ADAP1: variants seen among roughly 807,000 people sequenced by gnomAD.
The protein encoded by ADAP1 is ArfGAP with dual PH domains 1.
A neutral mutation model predicts 54.9 loss-of-function variants in ADAP1; 31 were observed. The observed-to-expected ratio is 0.56, with a 90% confidence interval of 0.42 to 0.76. The LOEUF (loss-of-function observed/expected upper bound fraction) is 0.76. ADAP1 is among the 30% of genes least tolerant of loss of function. ADAP1 has a pLI of 0.00. For synonymous variants in ADAP1, 313 were observed against 202.6 expected, an observed-to-expected ratio of 1.55 and a Z score of -4.63; for missense variants, 535 against 512.4, an observed-to-expected ratio of 1.04 and a Z score of -0.42.
In ADAP1 at chr7:905,155, G is replaced by C. The variant is rs879520352; in HGVS notation, c.406C>G (p.Leu136Val). ...PYSAGYREGFLWKRGRDNGQF... is the reference protein window; with the variant it reads ...PYSAGYREGFVWKRGRDNGQF... ...CCGTTGTCCCGGCCACGCTTCCAGA[G>C]AAAACCCTCACGGTACCCTGTGGGG... Residue 136 changes from leucine (L) to valine (V), a missense_variant, in exon 5 of 11, where the codon CTC becomes GTC. Physicochemically the swap from Leu to Val is conservative, Grantham distance 32. Transcript: ENST00000265846. 3 of 1,612,104 alleles carry C rather than the reference G, an allele frequency of 1.9e-6. No individual in the cohort carries two copies. Among genetic ancestry groups the C allele is most frequent in the East Asian group, 4.5e-5 (2 of 44,870 alleles).
At chr7:935,679 C>A (rs573917652) in intron 1 of ADAP1, among the ~76,000 whole-genome samples, 174 bp from the exon 2 acceptor site, 7 of 149,950 alleles carry the variant, frequency 4.7e-5, no homozygotes, top group Non-Finnish European at 8.9e-5. Context: ...GCTCCCCCCC[C>A]GCCCTCTGCC....
rs941842575 is a variant in ADAP1, at chr7:946,260, G to A, written c.82+8136C>T. On this transcript the variant is annotated intron_variant, in intron 1 of 10. Transcript: ENST00000265846. This position sits in a 1 kb window ranked among gnomAD's most constrained non-coding sequence, Gnocchi z 4.3. ...GCAGGGATCCAGGCTCCCGCCGGCCGGTGGATCCCCGCCAGCGAGGCAGTG... is the reference window on the plus strand; with the variant it reads ...GCAGGGATCCAGGCTCCCGCCGGCCAGTGGATCCCCGCCAGCGAGGCAGTG... Among the ~76,000 whole-genome samples, 4 of 152,138 alleles carry A rather than the reference G, an allele frequency of 2.6e-5. No homozygotes were observed. The highest frequency in any genetic ancestry group is 4.8e-5 in the African/African-American group (2 of 41,424).
chr7:909,494 C>A (rs1053321825), intron 4 of ADAP1, among the ~76,000 whole-genome samples: 3 of 152,252 alleles, frequency 2.0e-5, no homozygotes, highest in Non-Finnish European at 4.4e-5. Context: ...GAGTGTATTT[C>A]AGGACGGCGC....
chr7:916,995 C>T lies in ADAP1; in HGVS notation c.388+2973G>A, dbSNP rs1186871639. ...AGGTGCACAGGAGGGGTGCGCAGTG[C>T]CAGCTCTACCGGGGAGGTGCACGGG... On this transcript the variant is annotated intron_variant, in intron 4 of 10. Transcript: ENST00000265846. Among the ~76,000 whole-genome samples the T allele has an allele frequency of 5.6e-5, 4 of 70,920 alleles. 1 individual carries two copies. Among genetic ancestry groups the T allele is most frequent in the African/African-American group, 2.5e-4 (4 of 16,324 alleles). The allele number at this position is 70,920 out of a possible 152,430, so 46.5% of individuals were successfully genotyped here.
At chr7:911,187 G>A (rs1009509741) in intron 4 of ADAP1, among the ~76,000 whole-genome samples, 15 of 152,156 alleles carry the variant, frequency 9.9e-5, no homozygotes, top group African/African-American at 3.4e-4. Flanking sequence ...AGGCTTCCCT[G>A]TTCCCAGGGG....
intron 1 of ADAP1, among the ~76,000 whole-genome samples, chr7:939,986 A>G (rs1846898124): frequency 6.6e-6 from 1 of 152,172 alleles, no homozygotes; most frequent in Non-Finnish European, 1.5e-5. Context: ...AGTGAGGCTA[A>G]GGAGTGGTTA....
intron 2 of ADAP1, among the ~76,000 whole-genome samples, chr7:932,909 G>A (rs981411887): frequency 2.0e-5 from 3 of 152,180 alleles, no homozygotes; most frequent in Middle Eastern, 3.2e-3. Context: ...GGACTCTGCT[G>A]TCCTTGGGTC....
chr7:947,704 C>T (rs969331371), intron 1 of ADAP1, among the ~76,000 whole-genome samples: 7 of 152,156 alleles, frequency 4.6e-5, no homozygotes, highest in Non-Finnish European at 7.4e-5. Flanking sequence ...CACCCGGCCT[C>T]GGTCACTGCA....
At chr7:936,405 C>T (rs950906914) in intron 1 of ADAP1, among the ~76,000 whole-genome samples, 1 of 152,166 alleles carries the variant, frequency 6.6e-6, no homozygotes, top group Admixed American at 6.5e-5. Context: ...GTTGGCCAGG[C>T]TGGCCTCGAA....
In ADAP1 at chr7:945,086, A is replaced by C. The variant is rs1440222362; in HGVS notation, c.82+9310T>G. On this transcript the variant is annotated intron_variant, in intron 1 of 10. Transcript: ENST00000265846. The surrounding 1 kb of genome is among the most constrained non-coding windows in gnomAD (Gnocchi z 4.2). ...TGTGTGTGTGTGCAAGGAGATGGGG[A>C]GCTAGAGTCCCCCAGCTTCCAGTAA... 1.3e-5 allele frequency among the ~76,000 whole-genome samples: 2 copies of C among 151,994 alleles called. No homozygotes were observed. The highest frequency in any genetic ancestry group is 2.9e-5 in the Non-Finnish European group (2 of 67,994).
At chr7:947,705 G>A (rs191196985) in intron 1 of ADAP1, among the ~76,000 whole-genome samples, 3 of 152,128 alleles carry the variant, frequency 2.0e-5, no homozygotes, top group East Asian at 1.9e-4. Context: ...ACCCGGCCTC[G>A]GTCACTGCAG....
At chr7:902,776 G>T (rs1341808731) in intron 6 of ADAP1, among the ~76,000 whole-genome samples, 1 of 152,084 alleles carries the variant, frequency 6.6e-6, no homozygotes, top group South Asian at 2.1e-4. Flanking sequence ...GAAAAGACGA[G>T]GGACCCTTGC....
In ADAP1 at chr7:906,791, C is replaced by CA. The variant is rs60095382; in HGVS notation, c.389-1620_389-1619insT. On this transcript the variant is annotated intron_variant, in intron 4 of 10. Coordinates refer to ENST00000265846, the MANE Select transcript of ADAP1 (RefSeq NM_006869.4). Reference sequence around the variant, plus strand: ...CATGGGGGACAGGGGACACGGGGGACGGGACAGGGGACATGGGGGGACATG... The same window carrying CA: ...CATGGGGGACAGGGGACACGGGGGACAGGGACAGGGGACATGGGGGGACATG... 3.1e-3 allele frequency among the ~76,000 whole-genome samples: 88 copies of CA among 28,714 alleles called. 2 individuals carry two copies. Among genetic ancestry groups the CA allele is most frequent in the Admixed American group, 4.5e-3 (11 of 2,438 alleles). The allele number at this position is 28,714 out of a possible 152,430, so 18.8% of individuals were successfully genotyped here. A position where few individuals can be genotyped will look rare whatever the true frequency, so the allele number is the denominator to read the frequency against.
intron 1 of ADAP1, among the ~76,000 whole-genome samples, chr7:949,933 T>C (rs1359868642): frequency 6.6e-6 from 1 of 152,194 alleles, no homozygotes; most frequent in African/African-American, 2.4e-5. Flanking sequence ...ACCCAGCAAC[T>C]CCAGTCCTGG....
upstream of ADAP1, chr7:955,208 C>G: frequency 1.6e-6 from 2 of 1,233,450 alleles, no homozygotes; most frequent in South Asian, 2.6e-5. Context: ...CTCTGGGCAC[C>G]CCTCCCACTC....
chr7:935,702 G>A (rs1846739049), intron 1 of ADAP1, among the ~76,000 whole-genome samples, 197 bp from the exon 2 acceptor site: 1 of 151,224 alleles, frequency 6.6e-6, no homozygotes, highest in African/African-American at 2.4e-5. Context: ...GTGCAGACGG[G>A]GCTCTCCCCA....
chr7:909,106 C>A (rs1469329505), intron 4 of ADAP1, among the ~76,000 whole-genome samples: 1 of 147,776 alleles, frequency 6.8e-6, no homozygotes, highest in Non-Finnish European at 1.5e-5. Context: ...GGGGTCCAGA[C>A]GCCAGCGGGA....
At chr7:900,339 G>T (rs3808347) in intron 7 of ADAP1, among the ~76,000 whole-genome samples, 175 bp from the exon 8 acceptor site, 9,397 of 151,998 alleles carry the variant, frequency 0.062, 299 homozygotes, top group Middle Eastern at 0.082. Context: ...TTCCCTCCCC[G>T]CTTTCCCCTT....
chr7:917,568 GATTCT>G (rs1396856189), intron 4 of ADAP1, among the ~76,000 whole-genome samples: 1 of 152,154 alleles, frequency 6.6e-6, no homozygotes, highest in Non-Finnish European at 1.5e-5. Flanking sequence ...AGGTTCAAGC[GATTCT>G]CCTGCATCAG....
Sources: gnomAD v4.1 joint callset for allele counts (sites outside exome capture counted in the v4.1 genomes callset) on GRCh38, gnomAD v4.1.1 for gene constraint, Gnocchi (gnomAD v3.1) non-coding constraint, MANE v1.5 for transcripts, NCBI Gene and HGNC (gene_info 2026-07-23, HGNC 2026-07-21) for gene names.